Variants in KIAA1217 observed in about 807,000 individuals in gnomAD.
KIAA1217 encodes the protein KIAA1217.
KIAA1217 carries 88 observed loss-of-function variants against 163.9 expected under a neutral mutation model. The ratio of observed to expected loss-of-function variants is 0.54; its 90% confidence interval spans 0.45 to 0.64. The LOEUF (loss-of-function observed/expected upper bound fraction) is 0.64. Among genes scored for constraint, KIAA1217 ranks in the 30% least tolerant of loss-of-function variants. KIAA1217 has a pLI of 0.00. For missense variants in KIAA1217, 2,372 were observed against 2,475.0 expected (o/e 0.96, Z 0.88); for synonymous variants, 903 against 923.1 (o/e 0.98, Z 0.39).
At chr10:24,544,618 A>AGAAGGGTTTCATGG in intron 19 of KIAA1217, 137 bp downstream of exon 19, 1 of 1,019,416 alleles carries the variant, frequency 9.8e-7, no homozygotes, top group Non-Finnish European at 1.4e-6. Flanking sequence ...TCGCCATGAA[A>AGAAGGGTTTCATGG]CCCTTCTTTC....
chr10:23,797,320 C>A (rs1836253579), intron 1 of KIAA1217, among the ~76,000 whole-genome samples: 1 of 151,934 alleles, frequency 6.6e-6, no homozygotes, highest in Admixed American at 6.6e-5. Flanking sequence ...TCACAACTAC[C>A]CTGAAGATAA....
At chr10:23,822,802 T>A (rs1031854554) in intron 1 of KIAA1217, among the ~76,000 whole-genome samples, 5 of 152,328 alleles carry the variant, frequency 3.3e-5, no homozygotes, top group South Asian at 4.2e-4. Flanking sequence ...GAATCAAGTA[T>A]TTACAATAAT....
At chr10:24,472,325 T>A (rs1319241192) in intron 5 of KIAA1217, among the ~76,000 whole-genome samples, 1 of 152,158 alleles carries the variant, frequency 6.6e-6, no homozygotes, top group Non-Finnish European at 1.5e-5. Flanking sequence ...ATTATTTCCT[T>A]CCAGCCTCTC....
intron 1 of KIAA1217, among the ~76,000 whole-genome samples, chr10:23,797,157 G>T (rs1477426852): frequency 6.6e-6 from 1 of 152,094 alleles, no homozygotes; most frequent in Non-Finnish European, 1.5e-5. Context: ...ATTGTCCATA[G>T]TGTTATGTGG....
intron 2 of KIAA1217, among the ~76,000 whole-genome samples, chr10:24,160,711 G>A (rs923279826): frequency 5.9e-5 from 9 of 152,138 alleles, no homozygotes; most frequent in African/African-American, 1.9e-4. Context: ...TTGCCCAGAA[G>A]GAGCTAACTG....
intron 2 of KIAA1217, among the ~76,000 whole-genome samples, chr10:24,164,045 A>G (rs2131893174): frequency 6.6e-6 from 1 of 152,332 alleles, no homozygotes; most frequent in South Asian, 2.1e-4. Flanking sequence ...CTAAGTCTAA[A>G]GAGACAGCTG....
chr10:24,159,213 T>C (rs1421393848), intron 2 of KIAA1217, among the ~76,000 whole-genome samples: 1 of 152,174 alleles, frequency 6.6e-6, no homozygotes, highest in African/African-American at 2.4e-5. Flanking sequence ...ATTTAGATAG[T>C]ATTTAATATT....
At chr10:23,973,318 T>C (rs1380662825) in intron 1 of KIAA1217, among the ~76,000 whole-genome samples, 1 of 152,252 alleles carries the variant, frequency 6.6e-6, no homozygotes, top group Non-Finnish European at 1.5e-5. Flanking sequence ...GTGCACTTAT[T>C]CTGCCTTGCA....
intron 2 of KIAA1217, among the ~76,000 whole-genome samples, chr10:24,358,312 T>TG (rs2049395985): frequency 6.6e-6 from 1 of 152,118 alleles, no homozygotes; most frequent in East Asian, 1.9e-4. Context: ...TGCACTTGGT[T>TG]GGGGCAGTTC....
At chr10:24,364,949 T>G (rs1040905083) in intron 2 of KIAA1217, among the ~76,000 whole-genome samples, 2 of 151,986 alleles carry the variant, frequency 1.3e-5, no homozygotes. Context: ...CAGGCACTTG[T>G]CACCACACCA....
At chr10:24,184,641 T>C (rs1276212239) in intron 2 of KIAA1217, among the ~76,000 whole-genome samples, 1 of 152,226 alleles carries the variant, frequency 6.6e-6, no homozygotes, top group East Asian at 1.9e-4. Flanking sequence ...CTGATTGCTG[T>C]CCAGCAGCAG....
chr10:24,072,008 A>C (rs2061204874), intron 2 of KIAA1217, among the ~76,000 whole-genome samples: 1 of 152,160 alleles, frequency 6.6e-6, no homozygotes, highest in African/African-American at 2.4e-5. Flanking sequence ...GAAAAACAAA[A>C]TAGGAAAATA....
chr10:23,910,050 C>G (rs1041800579), intron 1 of KIAA1217, among the ~76,000 whole-genome samples: 1 of 151,826 alleles, frequency 6.6e-6, no homozygotes, highest in African/African-American at 2.4e-5. Context: ...TGACCATTGA[C>G]AGAAAACCAA....
intron 1 of KIAA1217, among the ~76,000 whole-genome samples, chr10:23,868,916 T>A (rs1282945407): frequency 6.6e-6 from 1 of 152,172 alleles, no homozygotes; most frequent in Non-Finnish European, 1.5e-5. Flanking sequence ...CCTGTTCTGA[T>A]GTCAATTTTC....
chr10:24,132,409 C>A (rs1395091690), intron 2 of KIAA1217, among the ~76,000 whole-genome samples: 10 of 152,156 alleles, frequency 6.6e-5, no homozygotes, highest in Non-Finnish European at 2.9e-5. Context: ...AAATACAAGA[C>A]CAAGTGTGTC....
chr10:24,431,594 C>G (rs1276530822), intron 3 of KIAA1217, among the ~76,000 whole-genome samples: 1 of 152,118 alleles, frequency 6.6e-6, no homozygotes, highest in Non-Finnish European at 1.5e-5. Context: ...TGTGACCTCC[C>G]GTGTGGCTGG....
intron 2 of KIAA1217, among the ~76,000 whole-genome samples, chr10:24,146,262 G>T (rs2064306489): frequency 6.6e-6 from 1 of 152,012 alleles, no homozygotes; most frequent in African/African-American, 2.4e-5. Flanking sequence ...CAAAGCATTT[G>T]GTCACCTGAA....
intron 2 of KIAA1217, among the ~76,000 whole-genome samples, chr10:24,075,978 T>C (rs74978577): frequency 0.025 from 3,810 of 152,234 alleles, 142 homozygotes; most frequent in African/African-American, 0.087. Context: ...TTACTGAAGA[T>C]AGCCTAAACT....
intron 2 of KIAA1217, among the ~76,000 whole-genome samples, chr10:24,086,090 A>G (rs1348549584): frequency 1.3e-5 from 2 of 151,706 alleles, no homozygotes; most frequent in Non-Finnish European, 2.9e-5. Flanking sequence ...TCAGCCTCCT[A>G]CTTAGAAATT....
Sources: allele counts gnomAD v4.1 joint callset (sites outside exome capture counted in the v4.1 genomes callset), GRCh38; gene constraint gnomAD v4.1.1; transcripts MANE v1.5; gene names NCBI Gene and HGNC (gene_info 2026-07-23, HGNC 2026-07-21).